Variants in FBXL2 observed in about 807,000 individuals in gnomAD.
FBXL2 encodes the protein F-box/LRR-repeat protein 2.
A neutral mutation model predicts 69.2 loss-of-function variants in FBXL2; 38 were observed. The observed-to-expected ratio is 0.55, with a 90% confidence interval of 0.42 to 0.72. FBXL2 has a LOEUF of 0.72. FBXL2 is among the 30% of genes least tolerant of loss of function. FBXL2 has a pLI of 0.00. For synonymous variants in FBXL2, 192 were observed against 201.3 expected (o/e 0.95, Z 0.39); for missense variants, 354 against 520.3 (o/e 0.68, Z 3.11).
chr3:33,298,856 A>G (rs2035994445), intron 2 of FBXL2, among the ~76,000 whole-genome samples: 1 of 151,920 alleles, frequency 6.6e-6, no homozygotes, highest in Non-Finnish European at 1.5e-5. Flanking sequence ...AGCAACAGAA[A>G]CCAGATTTTG....
At chr3:33,400,407 G>C in intron 12 of FBXL2, 1 of 624,342 alleles carries the variant, frequency 1.6e-6, no homozygotes, top group Non-Finnish European at 2.7e-6. Context: ...TCTGACTCCA[G>C]CAACCCAAAT....
downstream of FBXL2, among the ~76,000 whole-genome samples, chr3:33,407,536 T>G (rs186958945): frequency 1.3e-5 from 2 of 148,388 alleles, no homozygotes; most frequent in Admixed American, 6.8e-5. Flanking sequence ...AATCTTTGAT[T>G]CGAATTTATT....
intron 10 of FBXL2, 102 bp from the exon 11 acceptor site, chr3:33,377,171 A>G: frequency 8.0e-6 from 9 of 1,126,836 alleles, no homozygotes; most frequent in Non-Finnish European, 1.2e-5. Flanking sequence ...AGGCAAAAGC[A>G]TGTCAAAGAG....
chr3:33,277,127 G>T, upstream of FBXL2: 2 of 196,106 alleles, frequency 1.0e-5, no homozygotes, highest in Non-Finnish European at 2.0e-5. Flanking sequence ...TTAAATTCTT[G>T]TTATTGGTAA....
At chr3:33,399,906 G>GA (rs2044156952) in intron 12 of FBXL2, among the ~76,000 whole-genome samples, 1 of 152,176 alleles carries the variant, frequency 6.6e-6, no homozygotes, top group East Asian at 1.9e-4. Context: ...AAGTTAAAAT[G>GA]AAAAAAATCA....
At chr3:33,292,058 G>C (rs748345364) in intron 1 of FBXL2, among the ~76,000 whole-genome samples, 1 of 152,052 alleles carries the variant, frequency 6.6e-6, no homozygotes, top group African/African-American at 2.4e-5. Context: ...CTAGAAAAAA[G>C]GATCATCTAT....
chr3:33,369,751 T>C, intron 5 of FBXL2, among the ~76,000 whole-genome samples: 1 of 152,130 alleles, frequency 6.6e-6, no homozygotes, highest in Non-Finnish European at 1.5e-5. Context: ...TAGCTGAGAC[T>C]ACAGGCATGT....
In FBXL2 at chr3:33,359,311, G is replaced by A. The variant is rs2041445085; in HGVS notation, c.149G>A (p.Ser50Asn). 6.2e-7 allele frequency: 1 copy of A among 1,612,220 alleles called. No individual in the cohort carries two copies. Among genetic ancestry groups the A allele is most frequent in the Non-Finnish European group, 8.5e-7 (1 of 1,178,744 alleles). ...TGGAACATCTTAGCCCTGGATGGAA[G>A]CAACTGGCAAAGAATAGATCTTTTT... ...KAWNILALDGSNWQRIDLFNF... is the reference protein window; with the variant it reads ...KAWNILALDGNNWQRIDLFNF... The change falls in exon 4 of 15, where the codon AGC (serine) becomes AAC (asparagine). Residue 50 changes from serine to asparagine, a missense_variant. By Grantham distance (46) the Ser-to-Asn change is conservative. Coordinates refer to ENST00000484457, the MANE Select transcript of FBXL2 (RefSeq NM_012157.5).
At chr3:33,299,443 T>G (rs1312288114) in intron 2 of FBXL2, among the ~76,000 whole-genome samples, 1 of 152,218 alleles carries the variant, frequency 6.6e-6, no homozygotes, top group African/African-American at 2.4e-5. Flanking sequence ...AATCTCACTT[T>G]AACATTTGGG....
At chr3:33,323,081 T>C (rs2038373540) in intron 2 of FBXL2, among the ~76,000 whole-genome samples, 1 of 152,212 alleles carries the variant, frequency 6.6e-6, no homozygotes, top group African/African-American at 2.4e-5. Context: ...CAAATGACTT[T>C]TAATAAAATC....
intron 13 of FBXL2, among the ~76,000 whole-genome samples, chr3:33,382,341 C>T (rs1202715669): frequency 2.6e-5 from 4 of 152,168 alleles, no homozygotes; most frequent in Admixed American, 6.5e-5. Context: ...GAATACACCC[C>T]GATCAAAGGT....
At chr3:33,328,650 G>GA (rs764831554) in intron 2 of FBXL2, among the ~76,000 whole-genome samples, 21 of 152,214 alleles carry the variant, frequency 1.4e-4, no homozygotes, top group Non-Finnish European at 2.2e-4. Context: ...ACCCTATCCA[G>GA]AAAAATGAAA....
intron 2 of FBXL2, among the ~76,000 whole-genome samples, chr3:33,356,411 C>T (rs550159744): frequency 3.9e-5 from 6 of 151,938 alleles, no homozygotes; most frequent in East Asian, 1.9e-4. Context: ...AGTGCAGTGG[C>T]GGATCTCGGC....
intron 13 of FBXL2, among the ~76,000 whole-genome samples, chr3:33,381,319 T>G (rs2043041537): frequency 6.6e-6 from 1 of 152,234 alleles, no homozygotes; most frequent in Non-Finnish European, 1.5e-5. Context: ...TTTGTAAATA[T>G]ACACGTATAT....
chr3:33,404,037 G>A (rs576480467), downstream of FBXL2, among the ~76,000 whole-genome samples: 1 of 152,316 alleles, frequency 6.6e-6, no homozygotes, highest in Non-Finnish European at 1.5e-5. Flanking sequence ...GATAGCCCAG[G>A]ATAGCTTGAG....
intron 10 of FBXL2, among the ~76,000 whole-genome samples, chr3:33,375,836 C>G (rs1469142056): frequency 6.6e-6 from 1 of 152,078 alleles, no homozygotes; most frequent in Non-Finnish European, 1.5e-5. Context: ...TTAGCTTCTT[C>G]CCCAGTAGGA....
At chr3:33,363,672 G>A (rs55697420) in intron 4 of FBXL2, among the ~76,000 whole-genome samples, 36,775 of 152,004 alleles carry the variant, frequency 0.24, 5,141 homozygotes, top group East Asian at 0.47. Context: ...AAATCACAGG[G>A]CATGGTAGTA....
At chr3:33,400,235 G>C (rs1178703568) in intron 12 of FBXL2, 1 of 1,603,386 alleles carries the variant, frequency 6.2e-7, no homozygotes, top group East Asian at 2.3e-5. Flanking sequence ...ATCTGTTTTT[G>C]AGCAGCCATT....
chr3:33,289,700 C>T, intron 1 of FBXL2: 1 of 976,472 alleles, frequency 1.0e-6, no homozygotes, highest in Non-Finnish European at 1.2e-6. Context: ...ACTACACCTA[C>T]CTGCCAACTT....
Sources: gnomAD v4.1 joint callset for allele counts (sites outside exome capture counted in the v4.1 genomes callset) on GRCh38, gnomAD v4.1.1 for gene constraint, MANE v1.5 for transcripts, NCBI Gene and HGNC (gene_info 2026-07-23, HGNC 2026-07-21) for gene names.